The following DNAJC19 variants were observed in gnomAD, a reference collection of about 807,000 sequenced individuals.
DNAJC19 encodes DnaJ heat shock protein family (Hsp40) member C19.
In DNAJC19, 15 loss-of-function variants were observed where a neutral mutation model predicts 19.8. The observed-to-expected ratio is 0.76, with a 90% CI of 0.51 to 1.17. The LOEUF is 1.17. DNAJC19 is among the 50% of genes most tolerant of loss of function. The probability of loss-of-function intolerance (pLI) is 0.00; values close to 1 mark genes in which losing one functional copy is unlikely to be tolerated. For synonymous variants in DNAJC19, 38 were observed against 42.1 expected, an observed-to-expected ratio of 0.90 and a Z score of 0.38; for missense variants, 105 against 140.9, an observed-to-expected ratio of 0.75 and a Z score of 1.29.
intron 5 of DNAJC19, among the ~76,000 whole-genome samples, chr3:180,985,205 T>C (rs552631512): frequency 9.8e-5 from 15 of 152,312 alleles, no homozygotes; most frequent in African/African-American, 3.6e-4. Flanking sequence ...CACAATGTCA[T>C]CTACAGCTGC....
At chr3:180,988,350 TTTC>T in intron 1 of DNAJC19, 121 bp from the exon 2 acceptor site, 41 of 1,116,468 alleles carry the variant, frequency 3.7e-5, no homozygotes, top group South Asian at 1.9e-4. Context: ...AACTTTTTTT[TTTC>T]TTTTTTTTTT....
At chr3:180,988,952 G>A (rs1042089496) in intron 1 of DNAJC19, among the ~76,000 whole-genome samples, 1 of 150,634 alleles carries the variant, frequency 6.6e-6, no homozygotes, top group African/African-American at 2.5e-5. Context: ...AGCTTGTAGT[G>A]AGCCAAGATT....
chr3:180,986,637 CTG>C (rs1181447334), intron 4 of DNAJC19: 3 of 329,966 alleles, frequency 9.1e-6, no homozygotes, highest in South Asian at 3.9e-5. Flanking sequence ...ACACTGAACA[CTG>C]TGATAATCTG....
At chr3:180,986,920 A>G (rs1714939216) in intron 4 of DNAJC19, 23 bp downstream of exon 4, 3 of 1,596,870 alleles carry the variant, frequency 1.9e-6, no homozygotes, top group Non-Finnish European at 2.6e-6. Flanking sequence ...GAAAAATGCT[A>G]AAAATATTAG....
rs909878997 is a variant in DNAJC19, at chr3:180,984,797, A to G, written c.281-87T>C. On this transcript the variant is annotated intron_variant, in intron 5 of 5. Coordinates refer to ENST00000382564, the MANE Select transcript of DNAJC19 (RefSeq NM_145261.4). ...AGCTACTCTTGTTTCAAGGACTCCAATGCTTATCTGAGGGAGATTTAGCAG... is the reference window on the plus strand; with the variant it reads ...AGCTACTCTTGTTTCAAGGACTCCAGTGCTTATCTGAGGGAGATTTAGCAG... 8 of 917,138 alleles carry G rather than the reference A, an allele frequency of 8.7e-6. No individual in the cohort carries two copies. In the Admixed American group the frequency reaches 1.0e-4, roughly 11 times the overall value. The allele number at this position is 917,138 out of a possible 1,614,324, so 56.8% of individuals were successfully genotyped here.
At chr3:180,984,746 G>A in intron 5 of DNAJC19, 36 bp from the exon 6 acceptor site, 6 of 1,468,744 alleles carry the variant, frequency 4.1e-6, no homozygotes, top group Non-Finnish European at 5.7e-6. Context: ...GTTACAATAT[G>A]GATTCTCAAT....
chr3:180,986,186 C>A (rs569207540), intron 4 of DNAJC19, among the ~76,000 whole-genome samples, 190 bp from the exon 5 acceptor site: 1 of 152,086 alleles, frequency 6.6e-6, no homozygotes, highest in Non-Finnish European at 1.5e-5. Context: ...AAGTAAGGCA[C>A]TCTCAAAAAT....
At chr3:180,986,389 C>A (rs111577886) in intron 4 of DNAJC19, among the ~76,000 whole-genome samples, 1 of 150,670 alleles carries the variant, frequency 6.6e-6, no homozygotes, top group Non-Finnish European at 1.5e-5. Context: ...TCAAGCGATT[C>A]TCCTGCCTCA....
Position 180,984,624 on chromosome 3 carries a change from T to TAG in DNAJC19, c.*15_*16insCT, listed in dbSNP as rs1714800507. 6.4e-7 allele frequency: 1 copy of TAG among 1,569,472 alleles called. No homozygotes were observed. The highest frequency in any genetic ancestry group is 8.7e-7 in the Non-Finnish European group (1 of 1,145,122). Reference sequence around the variant, plus strand: ...ACATAAACTAATACGAACTTAAAATTCATCATACATTTACTTCATTTTTTA... The same window carrying TAG: ...ACATAAACTAATACGAACTTAAAATTAGCATCATACATTTACTTCATTTTTTA... On this transcript the variant is annotated 3_prime_UTR_variant, in exon 6 of 6. Transcript: ENST00000382564.
chr3:180,986,961 G>T lies in DNAJC19; in HGVS notation c.191C>A (p.Ala64Glu). 1 of 1,613,720 alleles carries T rather than the reference G, an allele frequency of 6.2e-7. No individual in the cohort carries two copies. Among genetic ancestry groups the T allele is most frequent in the South Asian group, 1.1e-5 (1 of 91,066 alleles). ...ATTTTACCTTACACCTAGTATTAAT[G>T]CTGCTTCCCGTTTTGTCATTTTGGG... The part of the protein sequence containing the change: ...FEPKMTKREA[A>E]LILGVSPTAN... The change falls in exon 4 of 6, where the codon GCA becomes GAA. Residue 64 changes from alanine (A) to glutamate (E), a missense_variant. Physicochemically the swap from Ala to Glu is moderately radical, Grantham distance 107. Transcript: ENST00000382564.
chr3:180,985,188 G>A (rs1714838464), intron 5 of DNAJC19, among the ~76,000 whole-genome samples: 1 of 151,940 alleles, frequency 6.6e-6, no homozygotes, highest in South Asian at 2.1e-4. Context: ...GTTATCTACT[G>A]TCCCTTCACA....
chr3:180,985,855 G>T, intron 5 of DNAJC19, 71 bp downstream of exon 5: 1 of 1,306,562 alleles, frequency 7.7e-7, no homozygotes, highest in South Asian at 1.2e-5. Flanking sequence ...CCAGGAATTT[G>T]AGATAAAATT....
At chr3:180,985,769 C>A (rs1358930224) in intron 5 of DNAJC19, 157 bp downstream of exon 5, 1 of 669,546 alleles carries the variant, frequency 1.5e-6, no homozygotes, top group Non-Finnish European at 2.6e-6. Flanking sequence ...CACTTAATTT[C>A]TTTTAAGACA....
intron 4 of DNAJC19, 70 bp downstream of exon 4, chr3:180,986,873 G>A (rs1714936061): frequency 1.5e-6 from 2 of 1,311,286 alleles, no homozygotes; most frequent in Non-Finnish European, 2.2e-6. Context: ...AAGGAGAGAA[G>A]GTCTTTCTTA....
At position 180,985,797 on chromosome 3, in the gene DNAJC19, C is replaced by T. The variant is rs115056126; in HGVS notation, c.280+129G>A. Reference sequence around the variant, plus strand: ...TTAAGACACCAAAAATATATGGCTCCAGCCTAGGAGACAGGACTTACAGAT... The same window carrying T: ...TTAAGACACCAAAAATATATGGCTCTAGCCTAGGAGACAGGACTTACAGAT... On this transcript the variant is annotated intron_variant, in intron 5 of 5. Coordinates refer to ENST00000382564, the MANE Select transcript of DNAJC19 (RefSeq NM_145261.4). The T allele has an allele frequency of 1.4e-3, 1,138 of 798,056 alleles. 7 individuals are homozygous for T. The African/African-American group carries it at 0.017, about 12-fold the overall frequency. The allele number at this position is 798,056 out of a possible 1,614,324, so 49.4% of individuals were successfully genotyped here. A position where few individuals can be genotyped will look rare whatever the true frequency, so the allele number is the denominator to read the frequency against.
Position 180,988,116 on chromosome 3 carries a change from A to G in DNAJC19, c.56-20T>C. The G allele has an allele frequency of 6.2e-7, 1 of 1,614,204 alleles. No homozygotes were observed. Among genetic ancestry groups the G allele is most frequent in the Non-Finnish European group, 8.5e-7 (1 of 1,180,038 alleles). ...AACGGCCTAAAACCAAAAGCAACAG[A>G]ATAAGTAAACTAAATCTCCAATCTC... On this transcript the variant is annotated intron_variant, in intron 2 of 5. Coordinates refer to ENST00000382564, the MANE Select transcript of DNAJC19 (RefSeq NM_145261.4).
intron 5 of DNAJC19, chr3:180,985,527 T>C: frequency 5.3e-6 from 1 of 187,398 alleles, no homozygotes. Flanking sequence ...AAATTCTTGC[T>C]TTCCTTCAAC....
chr3:180,989,569 G>A, intron 1 of DNAJC19, 31 bp downstream of exon 1: 1 of 1,571,838 alleles, frequency 6.4e-7, no homozygotes, highest in Non-Finnish European at 8.6e-7. Context: ...TGGGCCGGAG[G>A]TCGCCAAGAA....
intron 4 of DNAJC19, 140 bp downstream of exon 4, chr3:180,986,803 G>T: frequency 1.4e-6 from 1 of 729,518 alleles, no homozygotes; most frequent in Non-Finnish European, 2.4e-6. Context: ...CAGTTTCATT[G>T]ATTAGAATTG....
Sources: allele counts gnomAD v4.1 joint callset (sites outside exome capture counted in the v4.1 genomes callset), GRCh38; gene constraint gnomAD v4.1.1; transcripts MANE v1.5; gene names NCBI Gene and HGNC (gene_info 2026-07-23, HGNC 2026-07-21).